PPA2: variants seen among roughly 807,000 people sequenced by gnomAD.
PPA2 encodes inorganic pyrophosphatase 2, also known as inorganic pyrophosphatase 2, mitochondrial.
PPA2 carries 48 observed loss-of-function variants against 49.5 expected under a neutral mutation model. The ratio of observed to expected loss-of-function variants is 0.97; its 90% CI spans 0.77 to 1.23. The LOEUF (loss-of-function observed/expected upper bound fraction) is 1.23. Among genes scored for constraint, PPA2 ranks in the 50% most tolerant of loss-of-function variants. PPA2 has a pLI of 0.00. For missense variants in PPA2, 429 were observed against 410.1 expected (o/e 1.05, Z -0.40); for synonymous variants, 131 against 139.9 (o/e 0.94, Z 0.45).
chr4:105,423,192 T>C (rs977305112), intron 7 of PPA2: 4 of 152,136 alleles, frequency 2.6e-5, no homozygotes, highest in African/African-American at 9.7e-5. Context: ...TGAGGTTACA[T>C]GCACTTCACG....
At chr4:105,473,364 C>G (rs907202404) in intron 1 of PPA2, 2 of 325,598 alleles carry the variant, frequency 6.1e-6, no homozygotes, top group African/African-American at 2.3e-5. Context: ...GGGGAAAGAA[C>G]CTTCATCAGA....
In PPA2 at chr4:105,424,225, G is replaced by C. The variant is rs761515078; in HGVS notation, c.626C>G (p.Ala209Gly). 2 of 1,607,984 alleles carry C rather than the reference G, an allele frequency of 1.2e-6. No individual in the cohort carries two copies. Among genetic ancestry groups the C allele is most frequent in the South Asian group, 1.1e-5 (1 of 89,330 alleles). ...ETDWKLIAIN[A>G]NDPEASKFHD... Reference sequence around the variant, plus strand: ...AAACTTTGAGGCTTCAGGATCATTCGCATTGATAGCAATTAATTTCCAATC... The same window carrying C: ...AAACTTTGAGGCTTCAGGATCATTCCCATTGATAGCAATTAATTTCCAATC... The change falls in exon 7 of 12, where the codon GCG becomes GGG. Residue 209 changes from alanine to glycine, a missense_variant. By Grantham distance (60) the Ala-to-Gly change is moderately conservative. Coordinates refer to ENST00000341695, the MANE Select transcript of PPA2 (RefSeq NM_176869.3).
At chr4:105,456,075 G>A in intron 2 of PPA2, 1 of 353,830 alleles carries the variant, frequency 2.8e-6, no homozygotes, top group Non-Finnish European at 5.5e-6. Context: ...AGTTCTCCTG[G>A]CATCTTTCAC....
chr4:105,381,571 T>C (rs1733490627), intron 10 of PPA2, among the ~76,000 whole-genome samples: 1 of 152,016 alleles, frequency 6.6e-6, no homozygotes, highest in Admixed American at 6.6e-5. Flanking sequence ...TTTATTTAGG[T>C]TTTCTATTTA....
rs570142436 is a variant in PPA2, at chr4:105,459,037, G to C, written c.158-2292C>G. ...TGGGAAAGTACCTAGCACTTAATAG[G>C]CATCCAATATATACTTGCTGAGCAA... is the stretch of plus-strand genomic sequence containing the variant. On this transcript the variant is annotated intron_variant, in intron 1 of 11. Transcript: ENST00000341695. Among the ~76,000 whole-genome samples, 14 of 152,074 alleles carry C rather than the reference G, an allele frequency of 9.2e-5. No homozygotes were observed. In the East Asian group the frequency reaches 1.9e-3, roughly 21 times the overall value.
chr4:105,373,795 A>ACACC (rs70964650), intron 10 of PPA2, among the ~76,000 whole-genome samples: 2 of 147,746 alleles, frequency 1.4e-5, no homozygotes, highest in African/African-American at 2.5e-5. Context: ...ACACACACAC[A>ACACC]CCCCATCATA....
intron 1 of PPA2, among the ~76,000 whole-genome samples, chr4:105,460,846 G>A (rs1404405579): frequency 2.3e-5 from 3 of 132,276 alleles, no homozygotes; most frequent in Non-Finnish European, 4.6e-5. Context: ...TACTTATTAA[G>A]ATGTAAGATC....
intron 4 of PPA2, among the ~76,000 whole-genome samples, chr4:105,447,736 C>CTTTTTTT (rs5860798): frequency 7.3e-6 from 1 of 137,202 alleles, no homozygotes; most frequent in Non-Finnish European, 1.6e-5. Context: ...TTTCTTTTTT[C>CTTTTTTT]TTTTTTTTTT....
intron 10 of PPA2, among the ~76,000 whole-genome samples, chr4:105,375,074 C>A (rs1733192252): frequency 6.6e-6 from 1 of 151,906 alleles, no homozygotes; most frequent in Non-Finnish European, 1.5e-5. Context: ...CAATCCTTTT[C>A]TGATTTTTCG....
chr4:105,402,827 G>A (rs1046775403), intron 7 of PPA2, among the ~76,000 whole-genome samples: 3 of 152,150 alleles, frequency 2.0e-5, no homozygotes, highest in Non-Finnish European at 4.4e-5. Context: ...GACAAACGTA[G>A]TTGTATGGAG....
At chr4:105,467,692 G>A (rs972887922) in intron 1 of PPA2, among the ~76,000 whole-genome samples, 7 of 151,982 alleles carry the variant, frequency 4.6e-5, no homozygotes, top group Non-Finnish European at 7.4e-5. Context: ...AAGTGAGAAG[G>A]GTGGAAGTGG....
chr4:105,440,713 T>C (rs1429925260), intron 5 of PPA2, among the ~76,000 whole-genome samples: 1 of 152,182 alleles, frequency 6.6e-6, no homozygotes, highest in Non-Finnish European at 1.5e-5. Flanking sequence ...TTTTAAGTCA[T>C]TCCTCACACA....
intron 7 of PPA2, among the ~76,000 whole-genome samples, chr4:105,416,517 C>T (rs1449088908): frequency 6.6e-6 from 1 of 152,164 alleles, no homozygotes; most frequent in Non-Finnish European, 1.5e-5. Flanking sequence ...AAATGTTGCT[C>T]CCACAGAACT....
At chr4:105,423,523 T>C (rs757993413) in intron 7 of PPA2, 4 of 152,152 alleles carry the variant, frequency 2.6e-5, no homozygotes, top group Admixed American at 6.5e-5. Context: ...ACTTTACAAG[T>C]AGGTATAATC....
intron 10 of PPA2, among the ~76,000 whole-genome samples, chr4:105,372,188 C>T (rs1733054295): frequency 6.6e-6 from 1 of 152,182 alleles, no homozygotes; most frequent in African/African-American, 2.4e-5. Context: ...AGAATGGGGG[C>T]ATGCCTCCTA....
intron 10 of PPA2, among the ~76,000 whole-genome samples, chr4:105,382,188 C>T (rs1312436323): frequency 6.6e-6 from 1 of 151,898 alleles, no homozygotes; most frequent in Non-Finnish European, 1.5e-5. Flanking sequence ...TTTTCAAACA[C>T]ATGAACTTGT....
chr4:105,466,865 C>T (rs985509759), intron 1 of PPA2, among the ~76,000 whole-genome samples: 1 of 152,120 alleles, frequency 6.6e-6, no homozygotes, highest in Non-Finnish European at 1.5e-5. Context: ...GAGTTGTACG[C>T]GTGTTCACTT....
intron 7 of PPA2, among the ~76,000 whole-genome samples, chr4:105,417,985 G>A (rs746163705): frequency 3.3e-5 from 5 of 152,090 alleles, no homozygotes; most frequent in Non-Finnish European, 5.9e-5. Flanking sequence ...CCCCATCCAC[G>A]CGGTGCCTCA....
chr4:105,391,187 G>T (rs992338112), intron 9 of PPA2, among the ~76,000 whole-genome samples: 1 of 152,024 alleles, frequency 6.6e-6, no homozygotes, highest in South Asian at 2.1e-4. Flanking sequence ...GCCTGCTGGT[G>T]GGGGGAGGGG....
Sources: gnomAD v4.1 joint callset for allele counts (sites outside exome capture counted in the v4.1 genomes callset) on GRCh38, gnomAD v4.1.1 for gene constraint, MANE v1.5 for transcripts, NCBI Gene and HGNC (gene_info 2026-07-23, HGNC 2026-07-21) for gene names.